SNX29: variants seen among roughly 807,000 people sequenced by gnomAD.
SNX29 encodes the protein sorting nexin-29.
In SNX29, 78 loss-of-function variants were observed where a neutral mutation model predicts 102.1. The ratio of observed to expected loss-of-function variants is 0.76; its 90% CI spans 0.64 to 0.92. The LOEUF (loss-of-function observed/expected upper bound fraction) is 0.92, where lower values mean the gene tolerates loss of function less well. SNX29 is among the 40% of genes least tolerant of loss of function. The pLI is 0.00. For missense variants in SNX29, 1,280 were observed against 1,061.7 expected (o/e 1.21, Z -2.86); for synonymous variants, 580 against 414.5 (o/e 1.40, Z -4.85).
At position 12,571,912 on chromosome 16, in the gene SNX29, T is replaced by C. The variant is rs1336662937; in HGVS notation, c.*3283T>C. ...TTCAAAGCCCCCTGCATTTCTCTAC[T>C]GGCAGGCCCTGGTGAAGGAAGACAC... is the stretch of plus-strand genomic sequence containing the variant. On this transcript the variant is annotated 3_prime_UTR_variant, in exon 21 of 21. Coordinates refer to ENST00000566228, the MANE Select transcript of SNX29 (RefSeq NM_032167.5). 1.9e-6 allele frequency: 2 copies of C among 1,061,836 alleles called. No homozygotes were observed. Among genetic ancestry groups the C allele is most frequent in the Non-Finnish European group, 2.3e-6 (2 of 877,124 alleles). 65.8% of individuals were successfully genotyped at this position (1,061,836 alleles called of 1,614,324 possible).
intron 13 of SNX29, among the ~76,000 whole-genome samples, chr16:12,168,219 G>A (rs1231691254): frequency 1.3e-5 from 2 of 152,208 alleles, no homozygotes; most frequent in African/African-American, 4.8e-5. Flanking sequence ...ATGCTGGAGG[G>A]CGGGGATCCA....
At chr16:12,494,200 T>C (rs544059694) in intron 19 of SNX29, among the ~76,000 whole-genome samples, 1 of 152,262 alleles carries the variant, frequency 6.6e-6, no homozygotes, top group Admixed American at 6.5e-5. Context: ...CAGCGAACTC[T>C]TGCTGTCCCC....
chr16:12,431,933 C>T (rs887564477), intron 18 of SNX29, among the ~76,000 whole-genome samples: 2 of 152,236 alleles, frequency 1.3e-5, no homozygotes, highest in Non-Finnish European at 2.9e-5. Flanking sequence ...TACGGGGAAC[C>T]TTCTGTGCAG....
intron 16 of SNX29, among the ~76,000 whole-genome samples, chr16:12,363,483 A>G (rs565388015): frequency 5.3e-5 from 8 of 152,240 alleles, no homozygotes; most frequent in Admixed American, 6.5e-5. Flanking sequence ...CTCCTCTTCT[A>G]TCTGCTGGGA....
intron 4 of SNX29, among the ~76,000 whole-genome samples, chr16:12,034,067 G>A (rs1232710255): frequency 2.0e-5 from 3 of 152,124 alleles, no homozygotes; most frequent in African/African-American, 7.2e-5. Context: ...AGTGGGAAGC[G>A]GTGGTAATAT....
chr16:12,336,219 G>A (rs1378047091), intron 15 of SNX29, among the ~76,000 whole-genome samples: 1 of 151,900 alleles, frequency 6.6e-6, no homozygotes, highest in East Asian at 1.9e-4. Context: ...CTTCCAGCCT[G>A]TAGGGAGAAA....
intron 13 of SNX29, among the ~76,000 whole-genome samples, chr16:12,138,042 C>T (rs1033355223): frequency 1.3e-5 from 2 of 152,124 alleles, no homozygotes; most frequent in African/African-American, 4.8e-5. Context: ...TATTGATTAG[C>T]AATGTCTGCC....
chr16:12,013,497 AAAAATATATATATATATATATAT>A (rs1172333655), intron 3 of SNX29, among the ~76,000 whole-genome samples: 3 of 63,324 alleles, frequency 4.7e-5, no homozygotes, highest in Admixed American at 1.6e-4. Context: ...GGAAAAAAAA[AAAAATATATATATATATATATAT>A]ATATATATAT....
intron 13 of SNX29, among the ~76,000 whole-genome samples, chr16:12,168,503 C>T (rs894389137): frequency 4.6e-5 from 7 of 152,290 alleles, no homozygotes; most frequent in Admixed American, 3.3e-4. Context: ...GCTCCTAGGT[C>T]CCCACCTCGT....
In SNX29 at chr16:12,569,400, C is replaced by T. The variant is rs2141577127; in HGVS notation, c.*771C>T. 8.7e-6 allele frequency: 2 copies of T among 230,906 alleles called. No homozygotes were observed. Among genetic ancestry groups the T allele is most frequent in the East Asian group, 6.1e-5 (1 of 16,308 alleles). 14.3% of individuals were successfully genotyped at this position (230,906 alleles called of 1,614,324 possible). A position where few individuals can be genotyped will look rare whatever the true frequency, so the allele number is the denominator to read the frequency against. ...AGACATCTGGCCCAGCCATCAGCAG[C>T]AACCTAGTAACCCGGCGTCATCCAG... On this transcript the variant is annotated 3_prime_UTR_variant, in exon 21 of 21. Coordinates refer to ENST00000566228, the MANE Select transcript of SNX29 (RefSeq NM_032167.5).
At position 12,571,397 on chromosome 16, in the gene SNX29, C is replaced by G; in HGVS notation, c.*2768C>G. ...GAAGACACCCCTGAGGAAAGGATTG[C>G]TTGCACCTCACATCTGTCTTCTTCT... On this transcript the variant is annotated 3_prime_UTR_variant, in exon 21 of 21. Coordinates refer to ENST00000566228, the MANE Select transcript of SNX29 (RefSeq NM_032167.5). 4.3e-6 allele frequency: 1 copy of G among 231,812 alleles called. No individual in the cohort carries two copies. The highest frequency in any genetic ancestry group is 6.1e-5 in the East Asian group (1 of 16,320). The allele number at this position is 231,812 out of a possible 1,614,324, so 14.4% of individuals were successfully genotyped here. A position where few individuals can be genotyped will look rare whatever the true frequency, so the allele number is the denominator to read the frequency against.
chr16:12,005,307 CT>C (rs2056417330), intron 3 of SNX29, among the ~76,000 whole-genome samples: 1 of 152,144 alleles, frequency 6.6e-6, no homozygotes, highest in African/African-American at 2.4e-5. Flanking sequence ...ACCTGGGAGG[CT>C]TATTGATTAA....
intron 20 of SNX29, among the ~76,000 whole-genome samples, chr16:12,542,791 A>T (rs1004130777): frequency 1.3e-5 from 2 of 152,044 alleles, no homozygotes; most frequent in Non-Finnish European, 2.9e-5. Context: ...GTATTAGTTA[A>T]ATCAGCAAGT....
intron 20 of SNX29, among the ~76,000 whole-genome samples, chr16:12,539,952 C>T (rs371376313): frequency 3.2e-4 from 49 of 152,306 alleles, no homozygotes; most frequent in Middle Eastern, 3.4e-3. Flanking sequence ...AGACCTTTGT[C>T]GAACATGTGA....
intron 1 of SNX29, among the ~76,000 whole-genome samples, chr16:11,998,727 C>T (rs1311638892): frequency 6.6e-6 from 1 of 152,196 alleles, no homozygotes; most frequent in Non-Finnish European, 1.5e-5. Flanking sequence ...GCCACTTCTG[C>T]TTTCTTCTCA....
At chr16:12,540,024 T>C (rs1312103057) in intron 20 of SNX29, among the ~76,000 whole-genome samples, 3 of 152,264 alleles carry the variant, frequency 2.0e-5, no homozygotes, top group African/African-American at 7.2e-5. Flanking sequence ...GACACCTTTT[T>C]AATTTTGATG....
chr16:12,139,193 TAAAAAAAAAAAAAAAAA>T lies in SNX29; in HGVS notation c.1595+9448_1595+9464del, dbSNP rs34808071. On this transcript the variant is annotated intron_variant, in intron 13 of 20. Coordinates refer to ENST00000566228, the MANE Select transcript of SNX29 (RefSeq NM_032167.5). ...GAGCCTGGGCGATAGAGCGAGACTC[TAAAAAAAAAAAAAAAAA>T]AAAAAAAAAAAAGGGAGGAAGGCTT... Among the ~76,000 whole-genome samples, 83 of 66,154 alleles carry T rather than the reference TAAAAAAAAAAAAAAAAA, an allele frequency of 1.3e-3. 2 individuals are homozygous for T. The highest frequency in any genetic ancestry group is 9.4e-3 in the Middle Eastern group (1 of 106). The allele number at this position is 66,154 out of a possible 152,430, so 43.4% of individuals were successfully genotyped here.
Position 12,570,091 on chromosome 16 carries a change from T to C in SNX29, c.*1462T>C. ...CATCTGGAAGGTTTATACTGTGCCT[T>C]CCCCTCGTAGCAAAAAGGAAGATTG... On this transcript the variant is annotated 3_prime_UTR_variant, in exon 21 of 21. Transcript: ENST00000566228. 1 of 892,196 alleles carries C rather than the reference T, an allele frequency of 1.1e-6. No homozygotes were observed. The highest frequency in any genetic ancestry group is 1.4e-6 in the Non-Finnish European group (1 of 721,892). 55.3% of individuals were successfully genotyped at this position (892,196 alleles called of 1,614,324 possible). A position where few individuals can be genotyped will look rare whatever the true frequency, so the allele number is the denominator to read the frequency against.
chr16:12,237,508 C>T (rs377046285), intron 14 of SNX29, among the ~76,000 whole-genome samples: 4 of 152,170 alleles, frequency 2.6e-5, no homozygotes, highest in Admixed American at 6.5e-5. Context: ...CAGTGGCTCA[C>T]GCCTGTAATC....
Sources: allele counts gnomAD v4.1 joint callset (sites outside exome capture counted in the v4.1 genomes callset), GRCh38; gene constraint gnomAD v4.1.1; transcripts MANE v1.5; gene names NCBI Gene and HGNC (gene_info 2026-07-23, HGNC 2026-07-21).